Variants in ZMIZ1 observed in about 807,000 individuals in gnomAD.
ZMIZ1 encodes zinc finger MIZ domain-containing protein 1.
A neutral mutation model predicts 113.9 loss-of-function variants in ZMIZ1; 17 were observed. The observed-to-expected ratio is 0.15, with a 90% CI of 0.10 to 0.22. The LOEUF is 0.22. Ranked by LOEUF, ZMIZ1 falls within the 10% of genes least tolerant of loss-of-function variation. The pLI, the probability that ZMIZ1 is intolerant of heterozygous loss-of-function variation, is 1.00. For synonymous variants in ZMIZ1, 607 were observed against 603.1 expected (o/e 1.01, Z -0.09); for missense variants, 1,059 against 1,477.8 (o/e 0.72, Z 4.65).
rs996647952 is a variant in ZMIZ1 at position 79,238,955 on chromosome 10, G to A, written c.280+22681G>A. Among the ~76,000 whole-genome samples the A allele has an allele frequency of 3.3e-5, 5 of 152,300 alleles. No individual in the cohort carries two copies. The East Asian group carries it at 9.6e-4, about 29-fold the overall frequency. The stretch of plus-strand genomic sequence containing the variant: ...ATCCTGCTTGGGCCCCTAGCTCTGT[G>A]ACCCCGTGTGTGGACACAGGAGGGG... On this transcript the variant is annotated intron_variant, in intron 7 of 24. Coordinates refer to ENST00000334512, the MANE Select transcript of ZMIZ1 (RefSeq NM_020338.4).
chr10:79,097,731 G>A (rs1211489633), intron 1 of ZMIZ1, among the ~76,000 whole-genome samples: 4 of 152,108 alleles, frequency 2.6e-5, no homozygotes, highest in South Asian at 2.1e-4. Flanking sequence ...TGTCAGTGGC[G>A]CAGTGAAGTT....
Position 79,197,595 on chromosome 10 carries a change from T to TACACACACACACACACACACACAC in ZMIZ1, c.-49-3974_-49-3973insCACACACACACACACACACACACA, listed in dbSNP as rs10648318. On this transcript the variant is annotated intron_variant, in intron 4 of 24. Coordinates refer to ENST00000334512, the MANE Select transcript of ZMIZ1 (RefSeq NM_020338.4). ...ATTACGCCCCTGCCAACCCAGACCA[T>TACACACACACACACACACACACAC]ACACACACACACACATACACACACA... Among the ~76,000 whole-genome samples, 7 of 136,860 alleles carry TACACACACACACACACACACACAC rather than the reference T, an allele frequency of 5.1e-5. No homozygotes were observed. In the East Asian group the frequency reaches 7.0e-4, roughly 14 times the overall value. 89.8% of individuals were successfully genotyped at this position (136,860 alleles called of 152,430 possible). A position where few individuals can be genotyped will look rare whatever the true frequency, so the allele number is the denominator to read the frequency against.
At chr10:79,270,773 G>A (rs1028699597) in intron 7 of ZMIZ1, among the ~76,000 whole-genome samples, 2 of 152,144 alleles carry the variant, frequency 1.3e-5, no homozygotes, top group African/African-American at 4.8e-5. Context: ...GTGACTATCT[G>A]GATCTTATCT....
intron 3 of ZMIZ1, among the ~76,000 whole-genome samples, chr10:79,154,949 C>A (rs544290631): frequency 1.7e-3 from 257 of 152,316 alleles, no homozygotes; most frequent in Admixed American, 3.7e-3. Context: ...CGGAGCATTT[C>A]CTGTGCACGT....
intron 7 of ZMIZ1, among the ~76,000 whole-genome samples, chr10:79,258,579 T>C (rs563461936): frequency 6.6e-6 from 1 of 152,314 alleles, no homozygotes; most frequent in East Asian, 1.9e-4. Flanking sequence ...TCCCATTTCA[T>C]AGGTGTGAAG....
At chr10:79,170,041 T>C (rs1846535429) in intron 4 of ZMIZ1, among the ~76,000 whole-genome samples, 2 of 152,308 alleles carry the variant, frequency 1.3e-5, no homozygotes, top group Non-Finnish European at 2.9e-5. Flanking sequence ...TTCCCAGGCA[T>C]GCTAGCACAC....
At chr10:79,106,067 G>A (rs1843543481) in intron 1 of ZMIZ1, among the ~76,000 whole-genome samples, 1 of 152,322 alleles carries the variant, frequency 6.6e-6, no homozygotes, top group Admixed American at 6.5e-5. Flanking sequence ...TCTGGCATCC[G>A]GGCCAAGGAA....
chr10:79,309,556 G>A (rs1435234024), intron 23 of ZMIZ1, among the ~76,000 whole-genome samples: 1 of 152,198 alleles, frequency 6.6e-6, no homozygotes, highest in East Asian at 1.9e-4. Context: ...GACTGGAAGG[G>A]CACTGTGCTC....
chr10:79,274,710 C>A (rs1385894163), intron 7 of ZMIZ1, among the ~76,000 whole-genome samples: 1 of 152,228 alleles, frequency 6.6e-6, no homozygotes, highest in Admixed American at 6.5e-5. Context: ...AAGAAAGTGG[C>A]CTTTGTGGCT....
At chr10:79,303,289 A>G (rs1216350595) in intron 18 of ZMIZ1, among the ~76,000 whole-genome samples, 1 of 151,768 alleles carries the variant, frequency 6.6e-6, no homozygotes, top group African/African-American at 2.4e-5. Context: ...GCCTGTCTCT[A>G]CAGAAAAATA....
At chr10:79,165,963 T>C (rs867009587) in intron 4 of ZMIZ1, among the ~76,000 whole-genome samples, 540 of 42,852 alleles carry the variant, frequency 0.013, 1 homozygote, top group Middle Eastern at 0.022. Context: ...TGTGTGTGTG[T>C]GTGTGTGTGT....
intron 1 of ZMIZ1, among the ~76,000 whole-genome samples, chr10:79,101,247 G>A (rs1451478843): frequency 1.3e-5 from 2 of 152,170 alleles, no homozygotes; most frequent in African/African-American, 4.8e-5. Context: ...TCTCAGCACA[G>A]GCAAAGGGCT....
chr10:79,256,886 A>G (rs548532179), intron 7 of ZMIZ1, among the ~76,000 whole-genome samples: 1 of 152,296 alleles, frequency 6.6e-6, no homozygotes, highest in African/African-American at 2.4e-5. Flanking sequence ...TAGTTTTTCC[A>G]TTAAGAAAAT....
intron 22 of ZMIZ1, 71 bp from the exon 23 acceptor site, chr10:79,307,330 ACACT>A: frequency 6.9e-7 from 1 of 1,443,384 alleles, no homozygotes. Flanking sequence ...GTATTTTTAC[ACACT>A]CTCTGTTCCC....
intron 2 of ZMIZ1, among the ~76,000 whole-genome samples, chr10:79,122,341 G>A (rs780459103): frequency 5.3e-5 from 8 of 152,118 alleles, no homozygotes; most frequent in Non-Finnish European, 1.2e-4. Context: ...AACTCTTTCC[G>A]TCACGTAGTG....
At chr10:79,203,727 C>G in intron 5 of ZMIZ1, among the ~76,000 whole-genome samples, 1 of 152,372 alleles carries the variant, frequency 6.6e-6, no homozygotes, top group South Asian at 2.1e-4. Context: ...AAGCCCCTCA[C>G]AGCATGGCAC....
intron 2 of ZMIZ1, among the ~76,000 whole-genome samples, chr10:79,131,142 G>A (rs1039933776): frequency 6.6e-6 from 1 of 152,196 alleles, no homozygotes; most frequent in African/African-American, 2.4e-5. Flanking sequence ...ATGGACCACA[G>A]TGGATGCCTA....
intron 3 of ZMIZ1, among the ~76,000 whole-genome samples, chr10:79,143,460 C>T (rs546055315): frequency 2.0e-5 from 3 of 152,166 alleles, no homozygotes; most frequent in Non-Finnish European, 4.4e-5. Flanking sequence ...TCCCCTTCAG[C>T]GTGCAGCTCT....
intron 1 of ZMIZ1, among the ~76,000 whole-genome samples, chr10:79,092,423 C>T (rs1385922810): frequency 1.3e-5 from 2 of 152,244 alleles, no homozygotes; most frequent in Non-Finnish European, 2.9e-5. Context: ...CAGGCCTTGG[C>T]GTTCTCCTCC....
Sources: allele counts gnomAD v4.1 joint callset (sites outside exome capture counted in the v4.1 genomes callset), GRCh38; gene constraint gnomAD v4.1.1; transcripts MANE v1.5; gene names NCBI Gene and HGNC (gene_info 2026-07-23, HGNC 2026-07-21).